The following CACHD1 variants were observed in gnomAD, a reference collection of about 807,000 sequenced individuals.
CACHD1 encodes cache domain containing 1.
In CACHD1, 71 loss-of-function variants were observed where a neutral mutation model predicts 138.7. That is an observed-to-expected ratio of 0.51 (90% CI 0.42 to 0.62). The LOEUF (loss-of-function observed/expected upper bound fraction) is 0.62. Ranked by LOEUF, CACHD1 falls within the 20% of genes least tolerant of loss-of-function variation. The pLI, the probability that CACHD1 is intolerant of heterozygous loss-of-function variation, is 0.00. For missense variants in CACHD1, 1,389 were observed against 1,625.3 expected, an observed-to-expected ratio of 0.85 and a Z score of 2.50; for synonymous variants, 578 against 591.5, an observed-to-expected ratio of 0.98 and a Z score of 0.33.
At position 64,470,271 on chromosome 1, in the gene CACHD1, G is replaced by T. The variant is rs1277796462; in HGVS notation, c.-474G>T. ...TCGCTCGGGTGGCTGCCCCAGTCTC[G>T]CAGCCCGGCCGCCGCTCCTCTTCCC... On this transcript the variant is annotated 5_prime_UTR_variant, in exon 1 of 27. Coordinates refer to ENST00000651257, the MANE Select transcript of CACHD1 (RefSeq NM_020925.4). The surrounding 1 kb of genome is among the most constrained non-coding windows in gnomAD (Gnocchi z 5.2). Among the ~76,000 whole-genome samples the T allele has an allele frequency of 6.6e-6, 1 of 151,586 alleles. No individual in the cohort carries two copies. Among genetic ancestry groups the T allele is most frequent in the Non-Finnish European group, 1.5e-5 (1 of 67,804 alleles).
At chr1:64,673,071 G>A (rs1183306125) in intron 17 of CACHD1, 87 bp from the exon 18 acceptor site, 13 of 1,107,318 alleles carry the variant, frequency 1.2e-5, no homozygotes, top group Non-Finnish European at 1.6e-5. Context: ...TTTGTTTCAG[G>A]GCTAGCAAGA....
intron 1 of CACHD1, among the ~76,000 whole-genome samples, chr1:64,514,377 C>G (rs539880299): frequency 6.6e-6 from 1 of 152,308 alleles, no homozygotes; most frequent in South Asian, 2.1e-4. Flanking sequence ...CCATATGGCT[C>G]TTTTCAAGAG....
At chr1:64,539,123 T>A (rs2100423051) in intron 1 of CACHD1, among the ~76,000 whole-genome samples, 2 of 152,206 alleles carry the variant, frequency 1.3e-5, no homozygotes, top group South Asian at 4.1e-4. Flanking sequence ...GTTCTTAGAG[T>A]TGTCACAGAC....
At chr1:64,597,722 G>T (rs1225273755) in intron 3 of CACHD1, among the ~76,000 whole-genome samples, 7 of 151,868 alleles carry the variant, frequency 4.6e-5, no homozygotes, top group African/African-American at 1.7e-4. Context: ...CAGGCATGAG[G>T]AATGAAGCAA....
At chr1:64,623,786 G>A (rs1648000143) in intron 4 of CACHD1, among the ~76,000 whole-genome samples, 1 of 152,204 alleles carries the variant, frequency 6.6e-6, no homozygotes, top group Non-Finnish European at 1.5e-5. Context: ...GTCTGAGGTA[G>A]GTGTAGGTGT....
chr1:64,682,154 T>C, intron 26 of CACHD1, 48 bp downstream of exon 26: 1 of 1,506,868 alleles, frequency 6.6e-7, no homozygotes, highest in Non-Finnish European at 9.2e-7. Context: ...CCTCATGTAC[T>C]CCTGTGGGAT....
At chr1:64,546,053 G>T (rs1646715823) in intron 1 of CACHD1, among the ~76,000 whole-genome samples, 1 of 152,126 alleles carries the variant, frequency 6.6e-6, no homozygotes, top group Admixed American at 6.5e-5. Flanking sequence ...AGAGTAATGG[G>T]CAGGGCTGGG....
chr1:64,574,968 G>T lies in CACHD1; in HGVS notation c.262-7188G>T, dbSNP rs557878235. Among the ~76,000 whole-genome samples, 5 of 152,280 alleles carry T rather than the reference G, an allele frequency of 3.3e-5. No individual in the cohort carries two copies. The South Asian group carries it at 1.0e-3, about 32-fold the overall frequency. On this transcript the variant is annotated intron_variant, in intron 2 of 26. Coordinates refer to ENST00000651257, the MANE Select transcript of CACHD1 (RefSeq NM_020925.4). ...AATTAACCATATGGATGAGTTAAATGAATAAAATGGTTAGTTAACATTCAG... is the reference window on the plus strand; with the variant it reads ...AATTAACCATATGGATGAGTTAAATTAATAAAATGGTTAGTTAACATTCAG...
chr1:64,575,074 A>G (rs1290081426), intron 2 of CACHD1, among the ~76,000 whole-genome samples: 5 of 152,218 alleles, frequency 3.3e-5, no homozygotes, highest in African/African-American at 1.2e-4. Flanking sequence ...CCCAGTTACT[A>G]CTACCTTTCT....
At chr1:64,597,569 A>AGAT (rs1179238681) in intron 3 of CACHD1, among the ~76,000 whole-genome samples, 2 of 100,996 alleles carry the variant, frequency 2.0e-5, no homozygotes, top group Non-Finnish European at 3.7e-5. Flanking sequence ...GGGGTTGGAG[A>AGAT]GATGGAGTTA....
At chr1:64,551,035 G>A (rs752210047) in intron 2 of CACHD1, among the ~76,000 whole-genome samples, 35 of 152,112 alleles carry the variant, frequency 2.3e-4, no homozygotes, top group Non-Finnish European at 4.1e-4. Context: ...TGTAGCCCCA[G>A]TAAGCAATTT....
intron 26 of CACHD1, among the ~76,000 whole-genome samples, chr1:64,690,452 A>G (rs1319440088): frequency 2.0e-5 from 3 of 152,240 alleles, no homozygotes; most frequent in African/African-American, 7.2e-5. Flanking sequence ...GATTTTTGCA[A>G]TATTTAAAAA....
At chr1:64,522,218 C>A (rs1348028845) in intron 1 of CACHD1, among the ~76,000 whole-genome samples, 1 of 152,178 alleles carries the variant, frequency 6.6e-6, no homozygotes, top group Admixed American at 6.5e-5. Context: ...CTTCTTTCCC[C>A]ACTGAATGGT....
At chr1:64,556,443 TTTC>T (rs1342004762) in intron 2 of CACHD1, among the ~76,000 whole-genome samples, 1 of 152,200 alleles carries the variant, frequency 6.6e-6, no homozygotes, top group Admixed American at 6.5e-5. Flanking sequence ...TGGCTTGCAT[TTTC>T]TATCCATTAT....
intron 2 of CACHD1, among the ~76,000 whole-genome samples, chr1:64,553,023 A>T (rs1646771563): frequency 6.6e-6 from 1 of 152,208 alleles, no homozygotes; most frequent in African/African-American, 2.4e-5. Flanking sequence ...CTTAACAAAT[A>T]GATCTGTGTC....
At chr1:64,685,789 G>A (rs1329724859) in intron 26 of CACHD1, among the ~76,000 whole-genome samples, 1 of 151,394 alleles carries the variant, frequency 6.6e-6, no homozygotes, top group Non-Finnish European at 1.5e-5. Context: ...AGTGAGCCAT[G>A]TTAGCACCAC....
intron 4 of CACHD1, among the ~76,000 whole-genome samples, chr1:64,622,680 A>G (rs1023037366): frequency 2.6e-5 from 4 of 152,214 alleles, no homozygotes; most frequent in Non-Finnish European, 4.4e-5. Context: ...AAGCACACCT[A>G]AATCAATCAA....
Position 64,588,203 on chromosome 1 carries a change from G to A in CACHD1, c.410+5899G>A, listed in dbSNP as rs1647066577. 5.9e-5 allele frequency among the ~76,000 whole-genome samples: 9 copies of A among 152,230 alleles called. No individual in the cohort carries two copies. The South Asian group carries it at 1.7e-3, about 28-fold the overall frequency. ...TTAATAGATTTGACTTAAGAAAAATGTCTTATCCATGTGCCTTCCCTGTTA... is the reference window on the plus strand; with the variant it reads ...TTAATAGATTTGACTTAAGAAAAATATCTTATCCATGTGCCTTCCCTGTTA... On this transcript the variant is annotated intron_variant, in intron 3 of 26. Coordinates refer to ENST00000651257, the MANE Select transcript of CACHD1 (RefSeq NM_020925.4).
chr1:64,516,933 C>T (rs1487228477), intron 1 of CACHD1, among the ~76,000 whole-genome samples: 2 of 152,152 alleles, frequency 1.3e-5, no homozygotes, highest in African/African-American at 4.8e-5. Flanking sequence ...TGGAGTCAGA[C>T]AGACTTGGGT....
Sources: allele counts gnomAD v4.1 joint callset (sites outside exome capture counted in the v4.1 genomes callset), GRCh38; gene constraint gnomAD v4.1.1; non-coding constraint Gnocchi (gnomAD v3.1); transcripts MANE v1.5; gene names NCBI Gene and HGNC (gene_info 2026-07-23, HGNC 2026-07-21).